SIK3: variants seen among roughly 807,000 people sequenced by gnomAD.
The protein encoded by SIK3 is serine/threonine-protein kinase SIK3.
SIK3 carries 28 observed loss-of-function variants against 144.2 expected under a neutral mutation model. The observed-to-expected ratio is 0.19, with a 90% CI of 0.14 to 0.27. The LOEUF is 0.27. Ranked by LOEUF, SIK3 falls within the 10% of genes least tolerant of loss-of-function variation. The pLI is 1.00. For missense variants in SIK3, 1,319 were observed against 1,776.0 expected (o/e 0.74, Z 4.62); for synonymous variants, 686 against 676.3 (o/e 1.01, Z -0.22).
chr11:117,061,753 T>G (rs1470133639), intron 1 of SIK3, among the ~76,000 whole-genome samples: 2 of 152,206 alleles, frequency 1.3e-5, no homozygotes, highest in Non-Finnish European at 2.9e-5. Flanking sequence ...TATTCGCTGG[T>G]ATGATTATTA....
chr11:116,924,373 AG>A (rs1947163627), intron 4 of SIK3, among the ~76,000 whole-genome samples: 1 of 152,198 alleles, frequency 6.6e-6, no homozygotes, highest in East Asian at 1.9e-4. Context: ...GAACCAAGGG[AG>A]CATTAAGAAA....
chr11:117,055,551 G>A (rs1358861769), intron 1 of SIK3, among the ~76,000 whole-genome samples: 1 of 152,180 alleles, frequency 6.6e-6, no homozygotes, highest in East Asian at 1.9e-4. Flanking sequence ...GGCTACAGGT[G>A]GGTTGGATAG....
Position 117,014,104 on chromosome 11 carries a change from C to A in SIK3, c.274-57040G>T, listed in dbSNP as rs928100590. Among the ~76,000 whole-genome samples, 14 of 149,754 alleles carry A rather than the reference C, an allele frequency of 9.3e-5. 1 individual carries two copies. The highest frequency in any genetic ancestry group is 6.4e-4 in the South Asian group (3 of 4,722). ...AAGTGATCCTCCCACCTCAGCCTCC[C>A]AAAATGCTGGGATTACAGGCATCAG... On this transcript the variant is annotated intron_variant, in intron 1 of 24. Transcript: ENST00000445177.
At chr11:117,076,195 G>A (rs1289034540) in intron 1 of SIK3, among the ~76,000 whole-genome samples, 2 of 152,066 alleles carry the variant, frequency 1.3e-5, no homozygotes, top group African/African-American at 4.8e-5. Flanking sequence ...TCCATCACAA[G>A]CCTTGGAAGA....
Position 116,846,654 on chromosome 11 carries a change from C to G in SIK3, c.3953-101G>C. On this transcript the variant is annotated intron_variant, in intron 23 of 24. Transcript: ENST00000445177. This position sits in a 1 kb window ranked among gnomAD's most constrained non-coding sequence, Gnocchi z 4.1. ...AATTGAAGGCAACCTGTCGAGCATC[C>G]CACAGCCTGACTCCCAGCCCTGAAT... 3 of 1,358,926 alleles carry G rather than the reference C, an allele frequency of 2.2e-6. No homozygotes were observed. The highest frequency in any genetic ancestry group is 3.1e-6 in the Non-Finnish European group (3 of 978,870). The allele number at this position is 1,358,926 out of a possible 1,614,324, so 84.2% of individuals were successfully genotyped here. A position where few individuals can be genotyped will look rare whatever the true frequency, so the allele number is the denominator to read the frequency against.
chr11:116,858,427 A>G lies in SIK3; in HGVS notation c.3038T>C (p.Val1013Ala). The G allele has an allele frequency of 6.2e-7, 1 of 1,610,806 alleles. No homozygotes were observed. Residue 1013 changes from valine (V) to alanine (A), a missense_variant, in exon 21 of 25, where the codon GTA becomes GCA. Val to Ala is a moderately conservative substitution (Grantham distance 64). Transcript: ENST00000445177. This position sits in a 1 kb window ranked among gnomAD's most constrained non-coding sequence, Gnocchi z 5.4. ...TPPDYTRHQQ[V>A]PHILQGLLSP... The stretch of plus-strand genomic sequence containing the variant: ...AAGCAGTCCTTGAAGGATGTGGGGT[A>G]CCTGCTGGTGTCTTGTATAGTCTGG...
chr11:117,070,838 C>T lies in SIK3; in HGVS notation c.273+27305G>A, dbSNP rs1463148339. On this transcript the variant is annotated intron_variant, in intron 1 of 24. Coordinates refer to ENST00000445177, the MANE Select transcript of SIK3 (RefSeq NM_001366686.3). Reference sequence around the variant, plus strand: ...TGCGATCTCAGCTCACCACAACCTCCGCCTCCCGGGTTCGAGCAATTCTCC... The same window carrying T: ...TGCGATCTCAGCTCACCACAACCTCTGCCTCCCGGGTTCGAGCAATTCTCC... Among the ~76,000 whole-genome samples the T allele has an allele frequency of 8.0e-5, 12 of 150,392 alleles. No homozygotes were observed. In the East Asian group the frequency reaches 2.1e-3, roughly 27 times the overall value.
intron 3 of SIK3, among the ~76,000 whole-genome samples, chr11:116,945,746 T>C (rs1948559589): frequency 6.6e-6 from 1 of 152,184 alleles, no homozygotes; most frequent in Admixed American, 6.5e-5. Flanking sequence ...AATTGAGCAT[T>C]GGTGGTAGGG....
At chr11:117,062,213 A>AT (rs1953826851) in intron 1 of SIK3, among the ~76,000 whole-genome samples, 1 of 152,162 alleles carries the variant, frequency 6.6e-6, no homozygotes, top group African/African-American at 2.4e-5. Context: ...CGGCCTGCTA[A>AT]TGTTATATTT....
chr11:117,056,363 T>C (rs573787614), intron 1 of SIK3, among the ~76,000 whole-genome samples: 16 of 151,972 alleles, frequency 1.1e-4, no homozygotes, highest in Admixed American at 5.2e-4. Context: ...CATCACACAC[T>C]GGGGCCTGTT....
intron 1 of SIK3, among the ~76,000 whole-genome samples, chr11:117,087,887 T>G (rs1434170331): frequency 6.6e-6 from 1 of 151,560 alleles, no homozygotes; most frequent in Non-Finnish European, 1.5e-5. Context: ...AAACTAGAAA[T>G]AAAATTATAA....
intron 14 of SIK3, chr11:116,869,801 A>C (rs1943868109): frequency 3.6e-6 from 1 of 277,524 alleles, no homozygotes; most frequent in Non-Finnish European, 7.1e-6. Context: ...GGATATTTGC[A>C]TCTGTCCCTG....
In SIK3 at chr11:116,964,987, T is replaced by C. The variant is rs181975064; in HGVS notation, c.274-7923A>G. On this transcript the variant is annotated intron_variant, in intron 1 of 24. Transcript: ENST00000445177. ...CTGCCCTCTAGGCTGTACTGAATGG[T>C]GACTGTAAAATAGTTCATGCATTTC... Among the ~76,000 whole-genome samples, 66 of 152,282 alleles carry C rather than the reference T, an allele frequency of 4.3e-4. 1 individual carries two copies. Among genetic ancestry groups the C allele is most frequent in the Middle Eastern group, 6.8e-3 (2 of 294 alleles).
Position 117,098,407 on chromosome 11 carries a change from C to T in SIK3, c.9G>A (p.Ala3=). ...CCCCGCCAGCTCCGCTCGCCGCCGC[C>T]GCCGCCATCTTGTTGTGCAGTGAAA... MA[A]AAASGAGGAA... is the part of the protein sequence containing the mutation. Residue 3 remains alanine (A), a synonymous_variant, in exon 1 of 25, where the codon GCG becomes GCA. Transcript: ENST00000445177. 1 of 1,168,322 alleles carries T rather than the reference C, an allele frequency of 8.6e-7. No homozygotes were observed. Among genetic ancestry groups the T allele is most frequent in the Non-Finnish European group, 1.1e-6 (1 of 947,590 alleles). 72.4% of individuals were successfully genotyped at this position (1,168,322 alleles called of 1,614,324 possible). A position where few individuals can be genotyped will look rare whatever the true frequency, so the allele number is the denominator to read the frequency against.
chr11:116,857,618 C>G (rs1943024663), intron 21 of SIK3, 192 bp downstream of exon 21: 1 of 820,046 alleles, frequency 1.2e-6, no homozygotes. Flanking sequence ...GTATCATGGT[C>G]CTTTGATTTT....
At chr11:116,870,226 T>A (rs1943894732) in intron 14 of SIK3, 105 bp downstream of exon 14, 2 of 1,564,794 alleles carry the variant, frequency 1.3e-6, no homozygotes, top group African/African-American at 2.7e-5. Flanking sequence ...ACCACACAAA[T>A]GTTGAAGCTG....
intron 1 of SIK3, among the ~76,000 whole-genome samples, chr11:117,072,388 AAAAAATAAAAAT>A (rs913853468): frequency 5.3e-5 from 8 of 152,200 alleles, no homozygotes; most frequent in Admixed American, 1.3e-4. Context: ...TCCGTCTCAA[AAAAAATAAAAAT>A]AAAAATAAAA....
At chr11:116,975,705 A>T (rs929199004) in intron 1 of SIK3, among the ~76,000 whole-genome samples, 1 of 152,160 alleles carries the variant, frequency 6.6e-6, no homozygotes, top group Non-Finnish European at 1.5e-5. Flanking sequence ...GTTTTCACTT[A>T]TCTTGGGTTT....
chr11:117,064,307 A>G (rs1481996016), intron 1 of SIK3, among the ~76,000 whole-genome samples: 2 of 152,154 alleles, frequency 1.3e-5, no homozygotes, highest in African/African-American at 2.4e-5. Context: ...CAATTCCTAT[A>G]CCCCTACAAC....
Sources: gnomAD v4.1 joint callset for allele counts (sites outside exome capture counted in the v4.1 genomes callset) on GRCh38, gnomAD v4.1.1 for gene constraint, Gnocchi (gnomAD v3.1) non-coding constraint, MANE v1.5 for transcripts, NCBI Gene and HGNC (gene_info 2026-07-23, HGNC 2026-07-21) for gene names.